The following ITGA11 variants were observed in gnomAD, a reference collection of about 807,000 sequenced individuals.
ITGA11 encodes the protein integrin subunit alpha 11.
A neutral mutation model predicts 141.9 loss-of-function variants in ITGA11; 97 were observed. The ratio of observed to expected loss-of-function variants is 0.68; its 90% CI spans 0.58 to 0.81. The LOEUF (loss-of-function observed/expected upper bound fraction) is 0.81, where lower values mean the gene tolerates loss of function less well. Ranked by LOEUF, ITGA11 falls within the 30% of genes least tolerant of loss-of-function variation. The pLI is 0.00. For synonymous variants in ITGA11, 658 were observed against 624.6 expected (o/e 1.05, Z -0.80); for missense variants, 1,387 against 1,559.2 (o/e 0.89, Z 1.86).
At chr15:68,400,587 T>TTATATATTATATATTATAATATTTAA (rs1896446512) in intron 2 of ITGA11, among the ~76,000 whole-genome samples, 1 of 102,220 alleles carries the variant, frequency 9.8e-6, no homozygotes, top group Non-Finnish European at 1.9e-5. Context: ...TATATATATT[T>TTATATATTATATATTATAATATTTAA]TATATATTAT....
chr15:68,374,576 G>A (rs1895681871), intron 2 of ITGA11, among the ~76,000 whole-genome samples: 1 of 152,252 alleles, frequency 6.6e-6, no homozygotes, highest in African/African-American at 2.4e-5. Flanking sequence ...AAGGGCTGGG[G>A]CTCTAGGCCC....
chr15:68,428,268 G>A (rs184847458), intron 1 of ITGA11, among the ~76,000 whole-genome samples: 11 of 152,310 alleles, frequency 7.2e-5, no homozygotes, highest in Admixed American at 3.9e-4. Flanking sequence ...GTTGGTGGAA[G>A]GGAGGGAGAA....
At chr15:68,369,058 A>G in intron 3 of ITGA11, 126 bp downstream of exon 3, 1 of 705,648 alleles carries the variant, frequency 1.4e-6, no homozygotes, top group Non-Finnish European at 2.5e-6. Context: ...CAGTGATATC[A>G]GCTGGGTCAT....
rs749444659 is a variant in ITGA11 at position 68,328,068 on chromosome 15, G to A, written c.2068+28C>T. 1 of 1,600,342 alleles carries A rather than the reference G, an allele frequency of 6.2e-7. No homozygotes were observed. Among genetic ancestry groups the A allele is most frequent in the Non-Finnish European group, 8.5e-7 (1 of 1,172,872 alleles). ...TGCAGGGGGAGACTGGAGTCTGGGG[G>A]TGGGGAGAAAGGAGGGGCCTGCTTT... On this transcript the variant is annotated intron_variant, in intron 16 of 29. Coordinates refer to ENST00000315757, the MANE Select transcript of ITGA11 (RefSeq NM_001004439.2). This position sits in a 1 kb window ranked among gnomAD's most constrained non-coding sequence, Gnocchi z 4.8.
intron 20 of ITGA11, among the ~76,000 whole-genome samples, chr15:68,318,445 T>C (rs1417003465): frequency 6.6e-6 from 1 of 152,142 alleles, no homozygotes; most frequent in Non-Finnish European, 1.5e-5. Context: ...CACAAGTCCC[T>C]GGACAGGAGG....
At chr15:68,396,250 C>CCAAT (rs34098259) in intron 2 of ITGA11, among the ~76,000 whole-genome samples, 241 of 150,460 alleles carry the variant, frequency 1.6e-3, no homozygotes, top group African/African-American at 3.8e-3. Flanking sequence ...AAATATCAAT[C>CCAAT]CAATCAATCA....
chr15:68,390,728 T>A (rs1221960205), intron 2 of ITGA11, among the ~76,000 whole-genome samples: 1 of 152,192 alleles, frequency 6.6e-6, no homozygotes, highest in African/African-American at 2.4e-5. Context: ...GATTACAAAA[T>A]ATAATCGTGT....
chr15:68,331,934 G>T lies in ITGA11; in HGVS notation c.1695C>A (p.Pro565=), dbSNP rs753756954. 1.2e-6 allele frequency: 2 copies of T among 1,613,374 alleles called. No homozygotes were observed. Among genetic ancestry groups the T allele is most frequent in the African/African-American group, 1.3e-5 (1 of 74,868 alleles). The change falls in exon 14 of 30, where the codon CCC becomes CCA. Residue 565 remains proline, a synonymous_variant. Coordinates refer to ENST00000315757, the MANE Select transcript of ITGA11 (RefSeq NM_001004439.2). The stretch of plus-strand genomic sequence containing the variant: ...TGGCTCCTGCGTGGTTGTCCTCCAG[G>T]GGGGCTCCCACCACCACGTCATTGT... ...DSYNDVVVGA[P]LEDNHAGAIY... is the part of the protein sequence containing the mutation.
rs1447708427 is a variant in ITGA11, at chr15:68,298,050, G to A, written c.*5009C>T. 2.6e-5 allele frequency: 4 copies of A among 152,130 alleles called. No homozygotes were observed. Among genetic ancestry groups the A allele is most frequent in the African/African-American group, 7.2e-5 (3 of 41,410 alleles). 9.4% of individuals were successfully genotyped at this position (152,130 alleles called of 1,614,324 possible). Reference sequence around the variant, plus strand: ...GGCTGCAATAACCTAGTGAGACTGCGGAAATCATCCAGACAGGTTTTAAAA... The same window carrying A: ...GGCTGCAATAACCTAGTGAGACTGCAGAAATCATCCAGACAGGTTTTAAAA... On this transcript the variant is annotated 3_prime_UTR_variant, in exon 30 of 30. Coordinates refer to ENST00000315757, the MANE Select transcript of ITGA11 (RefSeq NM_001004439.2).
At position 68,328,321 on chromosome 15, in the gene ITGA11, A is replaced by T. The variant is rs971636117; in HGVS notation, c.1902-59T>A. The stretch of plus-strand genomic sequence containing the variant: ...CAGGGGCTCAGGCTGCCCTGCTGTG[A>T]CCATGGGGAAAGACAAGAACCAGAT... On this transcript the variant is annotated intron_variant, in intron 15 of 29. Transcript: ENST00000315757. The surrounding 1 kb of genome is among the most constrained non-coding windows in gnomAD (Gnocchi z 4.8). 1 of 1,484,404 alleles carries T rather than the reference A, an allele frequency of 6.7e-7. No individual in the cohort carries two copies. Among genetic ancestry groups the T allele is most frequent in the Non-Finnish European group, 9.2e-7 (1 of 1,088,290 alleles). 92.0% of individuals were successfully genotyped at this position (1,484,404 alleles called of 1,614,324 possible).
At chr15:68,411,043 C>T (rs907344694) in intron 1 of ITGA11, among the ~76,000 whole-genome samples, 1 of 152,198 alleles carries the variant, frequency 6.6e-6, no homozygotes, top group Non-Finnish European at 1.5e-5. Context: ...ACAGGGAACT[C>T]ACAGTGGACT....
chr15:68,313,712 C>A (rs528072535), intron 23 of ITGA11, 67 bp downstream of exon 23: 4 of 1,253,692 alleles, frequency 3.2e-6, no homozygotes, highest in African/African-American at 3.0e-5. Context: ...AGGATGCCCC[C>A]CCTTAGGCCT....
At chr15:68,369,965 G>C (rs976247130) in intron 2 of ITGA11, among the ~76,000 whole-genome samples, 1 of 152,190 alleles carries the variant, frequency 6.6e-6, no homozygotes, top group Non-Finnish European at 1.5e-5. Context: ...GTCCTGAAGA[G>C]GAAACACAGA....
Position 68,297,962 on chromosome 15 carries a change from C to T in ITGA11, c.*5097G>A, listed in dbSNP as rs551186814. On this transcript the variant is annotated 3_prime_UTR_variant, in exon 30 of 30. Transcript: ENST00000315757. ...GTCTCTTGACCCACTGAACAGTGCT[C>T]TTTCACTGTGAGATGCCAGTACTAG... 6.6e-6 allele frequency: 1 copy of T among 152,218 alleles called. No homozygotes were observed. Among genetic ancestry groups the T allele is most frequent in the Admixed American group, 6.5e-5 (1 of 15,282 alleles). 9.4% of individuals were successfully genotyped at this position (152,218 alleles called of 1,614,324 possible).
Position 68,335,637 on chromosome 15 carries a change from C to G in ITGA11, c.1425+60G>C. On this transcript the variant is annotated intron_variant, in intron 12 of 29. Coordinates refer to ENST00000315757, the MANE Select transcript of ITGA11 (RefSeq NM_001004439.2). The surrounding 1 kb of genome is among the most constrained non-coding windows in gnomAD (Gnocchi z 4.9). ...AGGCATGCCTGTATTTACTGCCCTC[C>G]CATTTGTCTGATCTGCCCCCTCTTC... The G allele has an allele frequency of 1.3e-6, 2 of 1,577,650 alleles. No homozygotes were observed. The highest frequency in any genetic ancestry group is 8.7e-7 in the Non-Finnish European group (1 of 1,155,860).
intron 2 of ITGA11, among the ~76,000 whole-genome samples, chr15:68,386,452 C>T (rs1895987280): frequency 6.6e-6 from 1 of 152,214 alleles, no homozygotes; most frequent in Non-Finnish European, 1.5e-5. Context: ...CCCAGAGGAT[C>T]CTTCAAAGAG....
At chr15:68,424,034 T>C (rs992179813) in intron 1 of ITGA11, among the ~76,000 whole-genome samples, 1 of 152,254 alleles carries the variant, frequency 6.6e-6, no homozygotes, top group African/African-American at 2.4e-5. Context: ...TGGACAGCTC[T>C]GACTGGCATC....
chr15:68,396,923 TTATATAA>T (rs1265526019), intron 2 of ITGA11, among the ~76,000 whole-genome samples: 5 of 58,702 alleles, frequency 8.5e-5, no homozygotes, highest in Admixed American at 3.3e-4. Context: ...ATATTATTTA[TTATATAA>T]TATATAATAT....
intron 1 of ITGA11, among the ~76,000 whole-genome samples, chr15:68,404,111 A>G (rs890862177): frequency 6.1e-5 from 9 of 147,774 alleles, no homozygotes; most frequent in African/African-American, 2.3e-4. Flanking sequence ...TTTCCCTCTC[A>G]TTTTCCTCCT....
Sources: allele counts gnomAD v4.1 joint callset (sites outside exome capture counted in the v4.1 genomes callset), GRCh38; gene constraint gnomAD v4.1.1; non-coding constraint Gnocchi (gnomAD v3.1); transcripts MANE v1.5; gene names NCBI Gene and HGNC (gene_info 2026-07-23, HGNC 2026-07-21).